The following GALNTL5 variants were observed in gnomAD, a reference collection of about 807,000 sequenced individuals.
GALNTL5 encodes the protein inactive polypeptide N-acetylgalactosaminyltransferase-like protein 5.
Under a neutral mutation model 51.0 loss-of-function variants are expected in GALNTL5, and 44 were observed. The observed-to-expected ratio is 0.86, with a 90% CI of 0.68 to 1.11. The LOEUF (loss-of-function observed/expected upper bound fraction) is 1.11, where lower values mean the gene tolerates loss of function less well. GALNTL5 is among the 50% of genes least tolerant of loss of function. The pLI is 0.00. For missense variants in GALNTL5, 528 were observed against 531.8 expected, an observed-to-expected ratio of 0.99 and a Z score of 0.07; for synonymous variants, 192 against 182.8, an observed-to-expected ratio of 1.05 and a Z score of -0.41.
At chr7:151,990,474 G>T (rs568800193) in intron 5 of GALNTL5, among the ~76,000 whole-genome samples, 3 of 148,078 alleles carry the variant, frequency 2.0e-5, no homozygotes, top group African/African-American at 7.5e-5. Context: ...CCAGCTACTC[G>T]GGAGGCTGAG....
chr7:152,002,281 G>GA (rs112236513), intron 5 of GALNTL5, among the ~76,000 whole-genome samples: 5,288 of 140,754 alleles, frequency 0.038, 282 homozygotes, highest in African/African-American at 0.12. Context: ...CTCCATCTCA[G>GA]AAAAAAAAAA....
chr7:151,984,710 C>G (rs2081338998), intron 4 of GALNTL5, among the ~76,000 whole-genome samples: 1 of 152,160 alleles, frequency 6.6e-6, no homozygotes, highest in Non-Finnish European at 1.5e-5. Context: ...GCCTCTTCTG[C>G]TCAAAAGACT....
At chr7:152,009,766 A>G (rs970369658) in intron 7 of GALNTL5, among the ~76,000 whole-genome samples, 1 of 152,166 alleles carries the variant, frequency 6.6e-6, no homozygotes, top group Non-Finnish European at 1.5e-5. Flanking sequence ...AGGGAATAGC[A>G]CTTGGCAGGG....
intron 3 of GALNTL5, among the ~76,000 whole-genome samples, chr7:151,971,615 C>T (rs2081143819): frequency 6.6e-6 from 1 of 152,160 alleles, no homozygotes; most frequent in South Asian, 2.1e-4. Context: ...AACTCTCTCA[C>T]CATCCCAAAC....
intron 5 of GALNTL5, among the ~76,000 whole-genome samples, chr7:152,001,101 C>T (rs1563020638): frequency 2.7e-5 from 4 of 150,232 alleles, no homozygotes; most frequent in South Asian, 2.1e-4. Context: ...TTAATAGAGA[C>T]GGGGTTTCGC....
intron 3 of GALNTL5, among the ~76,000 whole-genome samples, chr7:151,978,199 A>T (rs542171267): frequency 2.0e-5 from 3 of 152,212 alleles, no homozygotes; most frequent in Non-Finnish European, 4.4e-5. Flanking sequence ...CTTAGATTTA[A>T]CATGATAGGC....
intron 6 of GALNTL5, 107 bp downstream of exon 6, chr7:152,003,070 G>C (rs1197838714): frequency 1.1e-6 from 1 of 939,648 alleles, no homozygotes; most frequent in Non-Finnish European, 1.6e-6. Flanking sequence ...TAATCAAAAT[G>C]TTATGTTACT....
At chr7:151,980,797 G>A (rs371836068) in intron 3 of GALNTL5, among the ~76,000 whole-genome samples, 1 of 131,196 alleles carries the variant, frequency 7.6e-6, no homozygotes, top group Non-Finnish European at 1.6e-5. Context: ...CCAGGCTGGA[G>A]TGCAGTGGCG....
chr7:152,009,989 A>G (rs1419388635), intron 7 of GALNTL5, among the ~76,000 whole-genome samples: 3 of 152,230 alleles, frequency 2.0e-5, no homozygotes, highest in Non-Finnish European at 2.9e-5. Context: ...ACTGTGCTGT[A>G]TGCTGAGCAT....
intron 5 of GALNTL5, among the ~76,000 whole-genome samples, chr7:151,993,709 T>C (rs13223823): frequency 4.6e-5 from 7 of 152,112 alleles, no homozygotes; most frequent in African/African-American, 1.7e-4. Flanking sequence ...AGCCTCGAAC[T>C]CCTGGGGTCA....
chr7:151,978,768 A>G (rs761892881), intron 3 of GALNTL5, among the ~76,000 whole-genome samples: 1 of 152,118 alleles, frequency 6.6e-6, no homozygotes, highest in African/African-American at 2.4e-5. Flanking sequence ...TCTTCTCCCT[A>G]TAACTCTTAA....
At chr7:151,973,653 G>A (rs1187596635) in intron 3 of GALNTL5, among the ~76,000 whole-genome samples, 3 of 152,324 alleles carry the variant, frequency 2.0e-5, no homozygotes, top group East Asian at 3.9e-4. Context: ...GTTCATAGGA[G>A]GAAGGGACTT....
chr7:151,991,272 T>C (rs543437132), intron 5 of GALNTL5, among the ~76,000 whole-genome samples: 2 of 152,270 alleles, frequency 1.3e-5, no homozygotes, highest in East Asian at 1.9e-4. Context: ...TTTGTATTTT[T>C]AGTAGAGACG....
At chr7:152,003,248 AT>A (rs1197422161) in intron 6 of GALNTL5, among the ~76,000 whole-genome samples, 2 of 152,178 alleles carry the variant, frequency 1.3e-5, no homozygotes, top group Admixed American at 1.3e-4. Flanking sequence ...CAGGAGCAAT[AT>A]TTCATTTGAC....
chr7:152,004,569 C>T (rs900279103), intron 6 of GALNTL5, among the ~76,000 whole-genome samples: 2 of 152,046 alleles, frequency 1.3e-5, no homozygotes, highest in Admixed American at 6.6e-5. Context: ...CAATGTACAC[C>T]GGACCCATTA....
At chr7:151,995,347 AATTTTTTTTTTTTTTTTTTTTTTT>A (rs1316856013) in intron 5 of GALNTL5, 3 of 90,974 alleles carry the variant, frequency 3.3e-5, no homozygotes, top group Non-Finnish European at 4.4e-5. Context: ...AGTTGGTATG[AATTTTTTTTTTTTTTTTTTTTTTT>A]TTTTTTTTTT....
rs1389897958 is a variant in GALNTL5, at chr7:152,014,215, G to A, written c.1027-429G>A. On this transcript the variant is annotated intron_variant, in intron 7 of 8. Coordinates refer to ENST00000392800, the MANE Select transcript of GALNTL5 (RefSeq NM_145292.4). Reference sequence around the variant, plus strand: ...ATAATCACAGAATCTGAATTATAAGGCTGTTGTGAGAATTAAATAAGAAAC... The same window carrying A: ...ATAATCACAGAATCTGAATTATAAGACTGTTGTGAGAATTAAATAAGAAAC... Among the ~76,000 whole-genome samples, 3 of 152,258 alleles carry A rather than the reference G, an allele frequency of 2.0e-5. No individual in the cohort carries two copies. In the East Asian group the frequency reaches 5.8e-4, roughly 29 times the overall value.
chr7:152,006,099 G>A (rs1057084485), intron 6 of GALNTL5, among the ~76,000 whole-genome samples: 2 of 152,164 alleles, frequency 1.3e-5, no homozygotes, highest in Non-Finnish European at 2.9e-5. Context: ...AACCAGGGAG[G>A]GAGGAGAAGG....
chr7:151,983,102 C>T lies in GALNTL5; in HGVS notation c.485C>T (p.Pro162Leu). Residue 162 changes from proline (P) to leucine (L), a missense_variant, in exon 4 of 9, where the codon CCA becomes CTA. Coordinates refer to ENST00000392800, the MANE Select transcript of GALNTL5 (RefSeq NM_145292.4). Reference protein sequence around the residue: ...QTMSSVTNLTPHYFLEEIILV... With the variant: ...QTMSSVTNLTLHYFLEEIILV... ...ATGTCCAGTGTCACGAACCTCACGCCACACTATTTTCTTGAAGAAATTATT... is the reference window on the plus strand; with the variant it reads ...ATGTCCAGTGTCACGAACCTCACGCTACACTATTTTCTTGAAGAAATTATT... The T allele has an allele frequency of 6.2e-7, 1 of 1,614,154 alleles. No individual in the cohort carries two copies. The highest frequency in any genetic ancestry group is 8.5e-7 in the Non-Finnish European group (1 of 1,180,002).
Sources: allele counts gnomAD v4.1 joint callset (sites outside exome capture counted in the v4.1 genomes callset), GRCh38; gene constraint gnomAD v4.1.1; transcripts MANE v1.5; gene names NCBI Gene and HGNC (gene_info 2026-07-23, HGNC 2026-07-21).